PHF24: variants seen among roughly 807,000 people sequenced by gnomAD.
PHF24 encodes the protein Galpha inhibitory interacting protein.
In PHF24, 25 loss-of-function variants were observed where a neutral mutation model predicts 42.6. The ratio of observed to expected loss-of-function variants is 0.59; its 90% CI spans 0.43 to 0.82. The LOEUF (loss-of-function observed/expected upper bound fraction) is 0.82, where lower values mean the gene tolerates loss of function less well. Among genes scored for constraint, PHF24 ranks in the 40% least tolerant of loss-of-function variants. The pLI is 0.00. For synonymous variants in PHF24, 185 were observed against 204.8 expected (o/e 0.90, Z 0.83); for missense variants, 470 against 538.1 (o/e 0.87, Z 1.25).
At chr9:34,762,268 C>G in the PHF24 span, among the ~76,000 whole-genome samples, 2 of 148,738 alleles carry the variant, frequency 1.3e-5, no homozygotes, top group East Asian at 2.0e-4. Flanking sequence ...TGAGGAATCA[C>G]CACACTGACT....
At chr9:34,673,648 G>C in the PHF24 span, among the ~76,000 whole-genome samples, 908 of 148,952 alleles carry the variant, frequency 6.1e-3, 6 homozygotes, top group Middle Eastern at 0.031. Context: ...TTGAGACGGA[G>C]TCTCGCTCTG....
chr9:34,761,056 G>C, the PHF24 span, among the ~76,000 whole-genome samples: 3 of 152,070 alleles, frequency 2.0e-5, no homozygotes, highest in Non-Finnish European at 4.4e-5. Context: ...GAATCTCTGG[G>C]AGGCTTGTTA....
At chr9:34,933,473 C>T in the PHF24 span, among the ~76,000 whole-genome samples, 2 of 151,952 alleles carry the variant, frequency 1.3e-5, no homozygotes, top group Non-Finnish European at 2.9e-5. Flanking sequence ...GCCTGTAATC[C>T]CAGCACTTTG....
the PHF24 span, among the ~76,000 whole-genome samples, chr9:34,919,683 C>T: frequency 0.46 from 68,521 of 150,320 alleles, 16,102 homozygotes; most frequent in Non-Finnish European, 0.51. Context: ...TTTCTTGTAC[C>T]CAGTAATTAC....
At chr9:34,836,954 T>C in the PHF24 span, 4 of 389,734 alleles carry the variant, frequency 1.0e-5, no homozygotes, top group Middle Eastern at 3.8e-4. Context: ...GCCTCCACTG[T>C]GTATGTCTCC....
the PHF24 span, among the ~76,000 whole-genome samples, chr9:34,937,652 A>AAAAAAAG: frequency 6.6e-6 from 1 of 151,730 alleles, no homozygotes; most frequent in East Asian, 1.9e-4. Context: ...CAATTTAAAA[A>AAAAAAAG]AAAAAATGAA....
At chr9:34,768,234 G>A in the PHF24 span, among the ~76,000 whole-genome samples, 1 of 152,206 alleles carries the variant, frequency 6.6e-6, no homozygotes, top group Non-Finnish European at 1.5e-5. Context: ...AACACATTCA[G>A]GGATATTTTA....
At chr9:34,673,481 G>GT in the PHF24 span, among the ~76,000 whole-genome samples, 1 of 150,072 alleles carries the variant, frequency 6.7e-6, no homozygotes, top group African/African-American at 2.4e-5. Context: ...TTGTTTGTTT[G>GT]TTTTTTTAAG....
At chr9:34,723,394 C>G in the PHF24 span, 155 of 1,551,622 alleles carry the variant, frequency 1.0e-4, no homozygotes, top group Middle Eastern at 1.7e-4. Flanking sequence ...GGCCCACCAG[C>G]TTCTGAGCAG....
At chr9:34,698,191 G>A in the PHF24 span, among the ~76,000 whole-genome samples, 1 of 151,448 alleles carries the variant, frequency 6.6e-6, no homozygotes, top group Non-Finnish European at 1.5e-5. Context: ...TTTGACTTAA[G>A]CCAGTTTCCC....
chr9:34,712,686 A>C, the PHF24 span, among the ~76,000 whole-genome samples: 3 of 148,902 alleles, frequency 2.0e-5, no homozygotes, highest in African/African-American at 7.4e-5. Context: ...ATTTCCCTTA[A>C]CTCTTTGCCC....
At chr9:34,723,959 C>T in the PHF24 span, 21 of 1,551,104 alleles carry the variant, frequency 1.4e-5, no homozygotes, top group Admixed American at 5.9e-5. Flanking sequence ...CCAGGACCCT[C>T]GGGGTGTCTT....
At chr9:34,736,018 T>G in the PHF24 span, among the ~76,000 whole-genome samples, 1 of 152,138 alleles carries the variant, frequency 6.6e-6, no homozygotes, top group South Asian at 2.1e-4. Context: ...ATAGTAAGTA[T>G]AGTTACACAG....
At chr9:34,806,858 A>G in the PHF24 span, among the ~76,000 whole-genome samples, 2 of 152,230 alleles carry the variant, frequency 1.3e-5, no homozygotes, top group Non-Finnish European at 2.9e-5. Flanking sequence ...TGGTTCATTC[A>G]AGTACATGGA....
chr9:34,916,771 A>G, the PHF24 span, among the ~76,000 whole-genome samples: 26 of 152,192 alleles, frequency 1.7e-4, no homozygotes, highest in Non-Finnish European at 1.6e-4. Context: ...TTTTTTGGAG[A>G]AGGTAGAAAT....
At chr9:34,978,053 T>C in exon 8 of PHF24, 1 of 1,614,224 alleles carries the variant, frequency 6.2e-7, no homozygotes, top group Non-Finnish European at 8.5e-7. Flanking sequence ...GAGAATGTCC[T>C]CTACATCCTG....
chr9:34,816,076 TTTTTA>T, the PHF24 span, among the ~76,000 whole-genome samples: 990 of 151,788 alleles, frequency 6.5e-3, 8 homozygotes, highest in Middle Eastern at 0.041. Context: ...GCTTTTTTAT[TTTTTA>T]TTTTATTTTA....
At chr9:34,702,787 G>A in the PHF24 span, among the ~76,000 whole-genome samples, 5 of 152,134 alleles carry the variant, frequency 3.3e-5, no homozygotes, top group African/African-American at 1.2e-4. Flanking sequence ...TCCAGCCTGG[G>A]CAACAGAGTA....
the PHF24 span, among the ~76,000 whole-genome samples, chr9:34,910,227 GT>G: frequency 6.6e-6 from 1 of 152,082 alleles, no homozygotes; most frequent in African/African-American, 2.4e-5. Flanking sequence ...TCTGAAGCCA[GT>G]TTTGCCTCTT....
Sources: gnomAD v4.1 joint callset for allele counts (sites outside exome capture counted in the v4.1 genomes callset) on GRCh38, gnomAD v4.1.1 for gene constraint, MANE v1.5 for transcripts, NCBI Gene and HGNC (gene_info 2026-07-23, HGNC 2026-07-21) for gene names.